The following UMAD1 variants were observed in gnomAD, a reference collection of about 807,000 sequenced individuals.
UMAD1 encodes the protein UBAP1-MVB12-associated (UMA) domain containing 1, also known as UBAP1-MVB12-associated (UMA)-domain containing protein 1.
In UMAD1, 8 loss-of-function variants were observed where a neutral mutation model predicts 6.1. The ratio of observed to expected loss-of-function variants is 1.30; its 90% CI spans 0.76 to 2.35. The LOEUF (loss-of-function observed/expected upper bound fraction) is 2.35, where lower values mean the gene tolerates loss of function less well. Among genes scored for constraint, UMAD1 ranks in the 30% most tolerant of loss-of-function variants. The pLI, the probability that UMAD1 is intolerant of heterozygous loss-of-function variation, is 0.00. For missense variants in UMAD1, 130 were observed against 78.4 expected (o/e 1.66, Z -2.49); for synonymous variants, 56 against 31.4 (o/e 1.78, Z -2.61).
At chr7:7,677,884 G>C (rs1013249550) in intron 2 of UMAD1, among the ~76,000 whole-genome samples, 1 of 150,982 alleles carries the variant, frequency 6.6e-6, no homozygotes, top group Non-Finnish European at 1.5e-5. Flanking sequence ...CGTTTTAGCC[G>C]GGATGGTCTC....
At chr7:7,850,862 A>T (rs1783902181) in intron 3 of UMAD1, among the ~76,000 whole-genome samples, 1 of 152,170 alleles carries the variant, frequency 6.6e-6, no homozygotes, top group African/African-American at 2.4e-5. Flanking sequence ...TAAGTAGAAT[A>T]TACATTTCTT....
At chr7:7,663,851 A>C (rs574701489) in intron 1 of UMAD1, among the ~76,000 whole-genome samples, 6 of 152,340 alleles carry the variant, frequency 3.9e-5, no homozygotes, top group African/African-American at 1.4e-4. Context: ...CTGATCTCCT[A>C]TTCCTACAGA....
chr7:7,691,870 A>G (rs1780179837), intron 2 of UMAD1, among the ~76,000 whole-genome samples: 1 of 152,204 alleles, frequency 6.6e-6, no homozygotes, highest in Non-Finnish European at 1.5e-5. Flanking sequence ...TTTTAGTTAA[A>G]ATTTTATCTG....
intron 1 of UMAD1, among the ~76,000 whole-genome samples, chr7:7,649,622 T>G (rs1210427747): frequency 6.6e-6 from 1 of 152,212 alleles, no homozygotes; most frequent in Non-Finnish European, 1.5e-5. Flanking sequence ...TTTTGTTACT[T>G]TTTTCTTCTT....
intron 3 of UMAD1, among the ~76,000 whole-genome samples, chr7:7,848,249 A>T (rs942332962): frequency 6.6e-6 from 1 of 152,198 alleles, no homozygotes; most frequent in African/African-American, 2.4e-5. Context: ...TTCAAGATAT[A>T]TATTATGGCC....
At chr7:7,677,662 TTG>T (rs374430522) in intron 2 of UMAD1, among the ~76,000 whole-genome samples, 536 of 34,180 alleles carry the variant, frequency 0.016, 2 homozygotes, top group East Asian at 0.059. Flanking sequence ...ATCTGTTTTT[TTG>T]TTTTTTTTTT....
At chr7:7,728,459 C>G (rs1405511376) in intron 2 of UMAD1, among the ~76,000 whole-genome samples, 1 of 152,126 alleles carries the variant, frequency 6.6e-6, no homozygotes, top group African/African-American at 2.4e-5. Context: ...GCCTGACCAA[C>G]ATGGTGAAAC....
intron 2 of UMAD1, among the ~76,000 whole-genome samples, chr7:7,756,046 C>T (rs571072935): frequency 5.9e-5 from 9 of 152,022 alleles, no homozygotes; most frequent in Non-Finnish European, 1.2e-4. Context: ...GCCCTGGGAG[C>T]GGGGGACTCA....
chr7:7,875,543 C>A (rs1385461660), intron 3 of UMAD1, among the ~76,000 whole-genome samples: 1 of 152,194 alleles, frequency 6.6e-6, no homozygotes, highest in African/African-American at 2.4e-5. Context: ...AAACTACCAT[C>A]AGAGAATACT....
chr7:7,798,743 G>C (rs559535901), intron 2 of UMAD1, among the ~76,000 whole-genome samples: 1 of 152,118 alleles, frequency 6.6e-6, no homozygotes, highest in African/African-American at 2.4e-5. Context: ...AGTCCCCAGA[G>C]ATGTCAAGAG....
chr7:7,798,630 A>G (rs996381830), intron 2 of UMAD1, among the ~76,000 whole-genome samples: 1 of 152,222 alleles, frequency 6.6e-6, no homozygotes, highest in Admixed American at 6.5e-5. Flanking sequence ...AGAGCTCCCT[A>G]TCAGAGCCCT....
chr7:7,664,408 T>C (rs1557998), intron 1 of UMAD1, among the ~76,000 whole-genome samples: 99,225 of 151,992 alleles, frequency 0.65, 32,629 homozygotes, highest in East Asian at 0.87. Context: ...GACTCCAGAC[T>C]GCCCAGTAAT....
At chr7:7,713,918 T>G (rs1256136712) in intron 2 of UMAD1, among the ~76,000 whole-genome samples, 1 of 152,166 alleles carries the variant, frequency 6.6e-6, no homozygotes, top group Non-Finnish European at 1.5e-5. Flanking sequence ...CACTGCAGCC[T>G]CGACCTCCTA....
intron 1 of UMAD1, among the ~76,000 whole-genome samples, chr7:7,643,124 A>G (rs971505063): frequency 6.6e-6 from 1 of 152,218 alleles, no homozygotes; most frequent in East Asian, 1.9e-4. Flanking sequence ...TTCTCTAAAA[A>G]TGATAATTCT....
chr7:7,877,329 G>A lies in UMAD1; in HGVS notation c.205G>A (p.Glu69Lys), dbSNP rs1402387136. The A allele has an allele frequency of 1.4e-6, 1 of 717,368 alleles. No homozygotes were observed. Among genetic ancestry groups the A allele is most frequent in the African/African-American group, 1.7e-5 (1 of 57,252 alleles). 44.4% of individuals were successfully genotyped at this position (717,368 alleles called of 1,614,324 possible). A position where few individuals can be genotyped will look rare whatever the true frequency, so the allele number is the denominator to read the frequency against. The change falls in exon 4 of 4, where the codon GAA becomes AAA. Residue 69 changes from glutamate to lysine, a missense_variant. Physicochemically the swap from Glu to Lys is moderately conservative, Grantham distance 56 (BLOSUM62 1). Coordinates refer to ENST00000682710, the MANE Select transcript of UMAD1 (RefSeq NM_001302348.2). ...SSVTVSDPEMENKAGQTLENS... is the reference protein window; with the variant it reads ...SSVTVSDPEMKNKAGQTLENS... ...TGTGACTGTATCAGACCCTGAGATGGAAAATAAGGCAGGCCAGACTCTGGA... is the reference window on the plus strand; with the variant it reads ...TGTGACTGTATCAGACCCTGAGATGAAAAATAAGGCAGGCCAGACTCTGGA...
At chr7:7,646,416 C>A (rs188803367) in intron 1 of UMAD1, among the ~76,000 whole-genome samples, 3 of 149,358 alleles carry the variant, frequency 2.0e-5, no homozygotes, top group Admixed American at 2.0e-4. Flanking sequence ...CCATACTGTT[C>A]TCGTGGTAGT....
chr7:7,836,058 A>G (rs1441350506), intron 3 of UMAD1, among the ~76,000 whole-genome samples: 1 of 152,044 alleles, frequency 6.6e-6, no homozygotes, highest in African/African-American at 2.4e-5. Flanking sequence ...GGTCTTTATT[A>G]ATATAGTCTT....
intron 2 of UMAD1, among the ~76,000 whole-genome samples, chr7:7,690,591 A>G (rs1780150115): frequency 6.6e-6 from 1 of 152,190 alleles, no homozygotes; most frequent in South Asian, 2.1e-4. Flanking sequence ...TTAGAGCTAA[A>G]AGGACATCTT....
intron 2 of UMAD1, among the ~76,000 whole-genome samples, chr7:7,776,054 C>G (rs1782199675): frequency 6.6e-6 from 1 of 152,048 alleles, no homozygotes; most frequent in Admixed American, 6.5e-5. Flanking sequence ...TTGTTATACA[C>G]TATACCAAAA....
Sources: gnomAD v4.1 joint callset for allele counts (sites outside exome capture counted in the v4.1 genomes callset) on GRCh38, gnomAD v4.1.1 for gene constraint, MANE v1.5 for transcripts, NCBI Gene and HGNC (gene_info 2026-07-23, HGNC 2026-07-21) for gene names.